The following ETFDH variants were observed in gnomAD, a reference collection of about 807,000 sequenced individuals.
ETFDH encodes electron transfer flavoprotein dehydrogenase.
In ETFDH, 61 loss-of-function variants were observed where a neutral mutation model predicts 73.2. The observed-to-expected ratio is 0.83, with a 90% CI of 0.68 to 1.03. The LOEUF (loss-of-function observed/expected upper bound fraction) is 1.03. ETFDH is among the 50% of genes least tolerant of loss of function. The pLI, the probability that ETFDH is intolerant of heterozygous loss-of-function variation, is 0.00. For missense variants in ETFDH, 685 were observed against 745.0 expected, an observed-to-expected ratio of 0.92 and a Z score of 0.94; for synonymous variants, 243 against 253.3, an observed-to-expected ratio of 0.96 and a Z score of 0.39.
At position 158,695,937 on chromosome 4, in the gene ETFDH, G is replaced by A. The variant is rs149460428; in HGVS notation, c.831+294G>A. Among the ~76,000 whole-genome samples, 510 of 152,152 alleles carry A rather than the reference G, an allele frequency of 3.4e-3. 4 individuals are homozygous for A. The highest frequency in any genetic ancestry group is 0.012 in the African/African-American group (499 of 41,518). ...GAATCTTTTTTATTTTCATTGTAAT[G>A]CCATCTGCCCTGTTAGGATTGTTCT... On this transcript the variant is annotated intron_variant, in intron 7 of 12. Transcript: ENST00000511912.
Position 158,680,465 on chromosome 4 carries a change from A to T in ETFDH, c.35-2A>T. ...ATAATAATTTTCGTAATTTTTGTGC[A>T]GCATATCAGTGCTTTCATGCCTTAA... On this transcript the variant is annotated splice_acceptor_variant, in intron 1 of 12. Transcript: ENST00000511912. LOFTEE classifies it high-confidence loss of function. The T allele has an allele frequency of 6.2e-7, 1 of 1,602,500 alleles. No individual in the cohort carries two copies. Among genetic ancestry groups the T allele is most frequent in the Non-Finnish European group, 8.5e-7 (1 of 1,169,708 alleles).
At position 158,680,188 on chromosome 4, in the gene ETFDH, T is replaced by G. The variant is rs1773813399; in HGVS notation, c.35-279T>G. On this transcript the variant is annotated intron_variant, in intron 1 of 12. Coordinates refer to ENST00000511912, the MANE Select transcript of ETFDH (RefSeq NM_004453.4). ...AAAGCCATTGACCTAACACGGTGATTATACTACTCCATATTACTCTCAAAG... is the reference window on the plus strand; with the variant it reads ...AAAGCCATTGACCTAACACGGTGATGATACTACTCCATATTACTCTCAAAG... The G allele has an allele frequency of 2.5e-5, 7 of 282,670 alleles. No individual in the cohort carries two copies. In the South Asian group the frequency reaches 2.9e-4, roughly 12 times the overall value. 17.5% of individuals were successfully genotyped at this position (282,670 alleles called of 1,614,324 possible). A position where few individuals can be genotyped will look rare whatever the true frequency, so the allele number is the denominator to read the frequency against.
Position 158,709,012 on chromosome 4 carries a change from A to G in ETFDH, c.*485A>G, listed in dbSNP as rs1224257483. The G allele has an allele frequency of 3.2e-5, 4 of 125,304 alleles. No homozygotes were observed. The highest frequency in any genetic ancestry group is 1.5e-4 in the African/African-American group (4 of 26,424). The allele number at this position is 125,304 out of a possible 1,614,324, so 7.8% of individuals were successfully genotyped here. A position where few individuals can be genotyped will look rare whatever the true frequency, so the allele number is the denominator to read the frequency against. On this transcript the variant is annotated 3_prime_UTR_variant, in exon 13 of 13. Coordinates refer to ENST00000511912, the MANE Select transcript of ETFDH (RefSeq NM_004453.4). Reference sequence around the variant, plus strand: ...TGCAGAAGAAGTATGCCCATCCCTGAACAAGTTTGTGTGTGTGTGTGTGTG... The same window carrying G: ...TGCAGAAGAAGTATGCCCATCCCTGGACAAGTTTGTGTGTGTGTGTGTGTG...
At chr4:158,684,947 C>G (rs1773963620) in intron 4 of ETFDH, among the ~76,000 whole-genome samples, 154 bp from the exon 5 acceptor site, 1 of 152,150 alleles carries the variant, frequency 6.6e-6, no homozygotes, top group Admixed American at 6.5e-5. Context: ...AATTAGAACT[C>G]TAGACCAAAA....
intron 4 of ETFDH, 153 bp downstream of exon 4, chr4:158,684,826 GC>G: frequency 3.1e-6 from 2 of 651,398 alleles, no homozygotes; most frequent in Non-Finnish European, 2.8e-6. Context: ...TGGTGGGAAA[GC>G]AGGACTAGAA....
At position 158,699,081 on chromosome 4, in the gene ETFDH, G is replaced by A. The variant is rs1774391150; in HGVS notation, c.1067G>A (p.Gly356Glu). Residue 356 changes from glycine to glutamate, a missense_variant, in exon 9 of 13, where the codon GGA becomes GAA. Gly to Glu is a moderately conservative substitution (Grantham distance 98). Transcript: ENST00000511912. ...AGCATTCGGCCAACCTTGGAAGGTGGAAAAAGGATTGCATACGGAGCCAGA... is the reference window on the plus strand; with the variant it reads ...AGCATTCGGCCAACCTTGGAAGGTGAAAAAAGGATTGCATACGGAGCCAGA... ...HPSIRPTLEG[G>E]KRIAYGARAL... The A allele has an allele frequency of 6.2e-7, 1 of 1,614,006 alleles. No homozygotes were observed.
intron 9 of ETFDH, among the ~76,000 whole-genome samples, chr4:158,702,145 C>A (rs1389733522): frequency 1.4e-5 from 2 of 147,984 alleles, no homozygotes; most frequent in East Asian, 3.9e-4. Context: ...CATGTAAAAG[C>A]AAATCACAGG....
intron 9 of ETFDH, chr4:158,700,605 C>G (rs984710223): frequency 6.7e-6 from 1 of 148,798 alleles, no homozygotes; most frequent in African/African-American, 2.5e-5. Context: ...CACACACTTA[C>G]TTTTCACCTG....
chr4:158,676,993 A>C (rs1773725676), intron 1 of ETFDH, among the ~76,000 whole-genome samples: 1 of 152,194 alleles, frequency 6.6e-6, no homozygotes, highest in Non-Finnish European at 1.5e-5. Flanking sequence ...ATTTTCTCCC[A>C]TTCCACGGGC....
chr4:158,704,138 T>C (rs1473740287), intron 10 of ETFDH, among the ~76,000 whole-genome samples: 1 of 152,206 alleles, frequency 6.6e-6, no homozygotes, highest in East Asian at 1.9e-4. Context: ...GTGTCCCACC[T>C]AGTTAGAAAC....
At chr4:158,679,281 T>G (rs1039140126) in intron 1 of ETFDH, 11 of 152,128 alleles carry the variant, frequency 7.2e-5, no homozygotes, top group African/African-American at 2.7e-4. Flanking sequence ...TGTCTTTTTT[T>G]AATGATAGGG....
intron 5 of ETFDH, among the ~76,000 whole-genome samples, chr4:158,689,595 CATATATATATATATATATATATAT>C (rs573706904): frequency 3.1e-5 from 1 of 32,770 alleles, no homozygotes. Context: ...ATAAAACCTT[CATATATATATATATATATATATAT>C]ATATATATAT....
chr4:158,706,674 T>C lies in ETFDH; in HGVS notation c.1514T>C (p.Ile505Thr), dbSNP rs764164607. 1.1e-5 allele frequency: 17 copies of C among 1,614,086 alleles called. No homozygotes were observed. The highest frequency in any genetic ancestry group is 2.7e-5 in the African/African-American group (2 of 74,934). Residue 505 changes from isoleucine (I) to threonine (T), a missense_variant, in exon 12 of 13, where the codon ATT becomes ACT. Ile to Thr is a moderately conservative substitution (Grantham distance 89, BLOSUM62 -1). Coordinates refer to ENST00000511912, the MANE Select transcript of ETFDH (RefSeq NM_004453.4). The stretch of plus-strand genomic sequence containing the variant: ...AAGCCAGCCAAGGATTGCACACCTA[T>C]TGAGTATCCAAAACCCGATGGACAG... ...RLKPAKDCTP[I>T]EYPKPDGQIS... is the part of the protein sequence containing the mutation.
At chr4:158,676,503 G>A (rs1773715481) in intron 1 of ETFDH, among the ~76,000 whole-genome samples, 1 of 152,220 alleles carries the variant, frequency 6.6e-6, no homozygotes. Flanking sequence ...GTCCTGCAAA[G>A]ACAGTCTGGT....
rs1052063451 is a variant in ETFDH, at chr4:158,708,776, A to T, written c.*249A>T. The T allele has an allele frequency of 2.3e-5, 10 of 437,058 alleles. No individual in the cohort carries two copies. Among genetic ancestry groups the T allele is most frequent in the Non-Finnish European group, 3.7e-5 (9 of 241,182 alleles). The allele number at this position is 437,058 out of a possible 1,614,324, so 27.1% of individuals were successfully genotyped here. ...TCTTCAGAGATTCAGTACCAAGAGC[A>T]AAATTCACTACTGGACTTTACATTT... On this transcript the variant is annotated 3_prime_UTR_variant, in exon 13 of 13. Transcript: ENST00000511912.
At chr4:158,697,037 C>T (rs1774324287) in intron 7 of ETFDH, among the ~76,000 whole-genome samples, 1 of 151,992 alleles carries the variant, frequency 6.6e-6, no homozygotes, top group Admixed American at 6.6e-5. Flanking sequence ...ACTCATGCTG[C>T]AGTTTGATAT....
intron 12 of ETFDH, among the ~76,000 whole-genome samples, chr4:158,707,409 T>G (rs1041799963): frequency 1.3e-5 from 2 of 152,190 alleles, no homozygotes; most frequent in African/African-American, 4.8e-5. Flanking sequence ...TTACAGTGGG[T>G]TGAAAACTCC....
chr4:158,697,796 C>T, intron 8 of ETFDH, 97 bp downstream of exon 8: 1 of 1,155,058 alleles, frequency 8.7e-7, no homozygotes, highest in East Asian at 2.3e-5. Flanking sequence ...CTGTAAAATG[C>T]TTTTTATTTA....
intron 1 of ETFDH, among the ~76,000 whole-genome samples, chr4:158,676,699 A>C (rs1385655685): frequency 6.6e-6 from 1 of 152,222 alleles, no homozygotes; most frequent in African/African-American, 2.4e-5. Flanking sequence ...TCTCAGTTAT[A>C]ATTTTTGCAA....
Sources: gnomAD v4.1 joint callset for allele counts (sites outside exome capture counted in the v4.1 genomes callset) on GRCh38, gnomAD v4.1.1 for gene constraint, MANE v1.5 for transcripts, NCBI Gene and HGNC (gene_info 2026-07-23, HGNC 2026-07-21) for gene names.